The following ATG101 variants were observed in gnomAD, a reference collection of about 807,000 sequenced individuals.
ATG101 encodes autophagy-related protein 101.
In ATG101, 6 loss-of-function variants were observed where a neutral mutation model predicts 16.7. That is an observed-to-expected ratio of 0.36 (90% CI 0.20 to 0.71). The LOEUF is 0.71. Ranked by LOEUF, ATG101 falls within the 30% of genes least tolerant of loss-of-function variation. ATG101 has a pLI of 0.57. For synonymous variants in ATG101, 108 were observed against 118.1 expected (o/e 0.91, Z 0.56); for missense variants, 200 against 292.5 (o/e 0.68, Z 2.31).
chr12:52,072,235 A>G (rs936864952), intron 2 of ATG101, among the ~76,000 whole-genome samples: 2 of 152,370 alleles, frequency 1.3e-5, no homozygotes, highest in South Asian at 4.1e-4. Context: ...CTTGCCCAAG[A>G]TCATGAGCAT....
chr12:52,074,078 C>CGT (rs1939695577), intron 3 of ATG101, among the ~76,000 whole-genome samples, 176 bp downstream of exon 3: 1 of 139,670 alleles, frequency 7.2e-6, no homozygotes, highest in Admixed American at 8.5e-5. Context: ...CAGGGGAGGG[C>CGT]GCGCGGGCGC....
At chr12:52,071,015 G>A (rs771963872) in intron 2 of ATG101, 8 of 152,200 alleles carry the variant, frequency 5.3e-5, no homozygotes, top group Non-Finnish European at 8.8e-5. Flanking sequence ...TTTTGTAGAA[G>A]GTACTAGGAA....
intron 3 of ATG101, among the ~76,000 whole-genome samples, chr12:52,074,384 G>T (rs1312507743): frequency 1.3e-5 from 2 of 152,212 alleles, no homozygotes; most frequent in African/African-American, 4.8e-5. Context: ...GGACACGGCC[G>T]GCTGCTGCTG....
At position 52,070,204 on chromosome 12, in the gene ATG101, C is replaced by G. The variant is rs1364233794; in HGVS notation, c.-245C>G. Reference sequence around the variant, plus strand: ...CGCGGGGCGCCGCCCCCGAGACACCCGAGGAGTCCGTTCCTCCCTGGTTAC... The same window carrying G: ...CGCGGGGCGCCGCCCCCGAGACACCGGAGGAGTCCGTTCCTCCCTGGTTAC... On this transcript the variant is annotated 5_prime_UTR_variant, in exon 1 of 4. Transcript: ENST00000336854. 2 of 152,240 alleles carry G rather than the reference C, an allele frequency of 1.3e-5. No individual in the cohort carries two copies. Among genetic ancestry groups the G allele is most frequent in the Non-Finnish European group, 2.9e-5 (2 of 68,072 alleles). 9.4% of individuals were successfully genotyped at this position (152,240 alleles called of 1,614,324 possible). A position where few individuals can be genotyped will look rare whatever the true frequency, so the allele number is the denominator to read the frequency against.
intron 3 of ATG101, 67 bp downstream of exon 3, chr12:52,073,969 C>T (rs182434716): frequency 3.2e-6 from 5 of 1,579,334 alleles, no homozygotes; most frequent in African/African-American, 1.3e-5. Flanking sequence ...CTCGAGTGCT[C>T]CTCCACTCCA....
rs538913423 is a variant in ATG101 at position 52,075,032 on chromosome 12, G to A, written c.252+1130G>A. On this transcript the variant is annotated intron_variant, in intron 3 of 3. Coordinates refer to ENST00000336854, the MANE Select transcript of ATG101 (RefSeq NM_021934.5). The stretch of plus-strand genomic sequence containing the variant: ...CAGGCTGGTCTTGAACTAAAGGCTG[G>A]TCTTGAATTACTGGCATGAGCCTGA... Among the ~76,000 whole-genome samples the A allele has an allele frequency of 1.9e-3, 296 of 151,898 alleles. 1 individual carries two copies. Among genetic ancestry groups the A allele is most frequent in the South Asian group, 0.011 (50 of 4,758 alleles).
chr12:52,068,990 CAAAAAAAAAAAAAAAA>C (rs869030833), upstream of ATG101, among the ~76,000 whole-genome samples: 13 of 33,516 alleles, frequency 3.9e-4, no homozygotes, highest in Non-Finnish European at 2.5e-4. Flanking sequence ...GACGCCGTCT[CAAAAAAAAAAAAAAAA>C]AAAAAAAAAA....
chr12:52,069,527 T>A (rs1451238550), upstream of ATG101: 3 of 152,242 alleles, frequency 2.0e-5, no homozygotes, highest in Non-Finnish European at 2.9e-5. Context: ...ACGCCCCTCA[T>A]CTTGCGGTGA....
At chr12:52,071,567 AG>A (rs1233674625) in intron 2 of ATG101, 6 of 152,230 alleles carry the variant, frequency 3.9e-5, no homozygotes, top group Admixed American at 3.9e-4. Context: ...CGGTAATCCC[AG>A]CACTTTGGGA....
At position 52,076,822 on chromosome 12, in the gene ATG101, C is replaced by A; in HGVS notation, c.289C>A (p.Gln97Lys). The A allele has an allele frequency of 6.2e-7, 1 of 1,614,174 alleles. No individual in the cohort carries two copies. ...LRNSGGDGLGQMSLEFYQKKK... is the reference protein window; with the variant it reads ...LRNSGGDGLGKMSLEFYQKKK... ...CAACTCTGGTGGCGATGGGCTGGGG[C>A]AGATGTCCTTGGAGTTCTACCAGAA... The change falls in exon 4 of 4, where the codon CAG becomes AAG. Residue 97 changes from glutamine to lysine, a missense_variant. Gln to Lys is a moderately conservative substitution (Grantham distance 53, BLOSUM62 1). Coordinates refer to ENST00000336854, the MANE Select transcript of ATG101 (RefSeq NM_021934.5).
Position 52,070,256 on chromosome 12 carries a change from G to A in ATG101, c.-207+14G>A, listed in dbSNP as rs1266627898. On this transcript the variant is annotated intron_variant, in intron 1 of 3. Coordinates refer to ENST00000336854, the MANE Select transcript of ATG101 (RefSeq NM_021934.5). ...TGGACTGTGGAGGTTCGCGCGTAGT[G>A]GCGGCGGGGGATACGGGACCCGGGC... 6.6e-6 allele frequency: 1 copy of A among 152,276 alleles called. No individual in the cohort carries two copies. Among genetic ancestry groups the A allele is most frequent in the Non-Finnish European group, 1.5e-5 (1 of 68,088 alleles). 9.4% of individuals were successfully genotyped at this position (152,276 alleles called of 1,614,324 possible).
In ATG101 at chr12:52,070,222, C is replaced by T. The variant is rs1012870120; in HGVS notation, c.-227C>T. 2.0e-5 allele frequency: 3 copies of T among 152,206 alleles called. No individual in the cohort carries two copies. The highest frequency in any genetic ancestry group is 7.2e-5 in the African/African-American group (3 of 41,438). The allele number at this position is 152,206 out of a possible 1,614,324, so 9.4% of individuals were successfully genotyped here. Reference sequence around the variant, plus strand: ...AGACACCCGAGGAGTCCGTTCCTCCCTGGTTACGTGGACTGTGGAGGTTCG... The same window carrying T: ...AGACACCCGAGGAGTCCGTTCCTCCTTGGTTACGTGGACTGTGGAGGTTCG... On this transcript the variant is annotated 5_prime_UTR_variant, in exon 1 of 4. Coordinates refer to ENST00000336854, the MANE Select transcript of ATG101 (RefSeq NM_021934.5).
chr12:52,076,883 T>A lies in ATG101; in HGVS notation c.350T>A (p.Ile117Asn). ...KSRWPFSDEC[I>N]PWEVWTVKVH... Reference sequence around the variant, plus strand: ...CGCTGGCCATTCTCAGACGAGTGCATCCCATGGGAAGTGTGGACGGTCAAG... The same window carrying A: ...CGCTGGCCATTCTCAGACGAGTGCAACCCATGGGAAGTGTGGACGGTCAAG... Residue 117 changes from isoleucine to asparagine, a missense_variant, in exon 4 of 4, where the codon ATC becomes AAC. Ile to Asn is a moderately radical substitution (Grantham distance 149). Transcript: ENST00000336854. 1 of 1,614,080 alleles carries A rather than the reference T, an allele frequency of 6.2e-7. No homozygotes were observed. The highest frequency in any genetic ancestry group is 8.5e-7 in the Non-Finnish European group (1 of 1,180,002).
At position 52,076,821 on chromosome 12, in the gene ATG101, G is replaced by A. The variant is rs751303196; in HGVS notation, c.288G>A (p.Gly96=). 4.3e-6 allele frequency: 7 copies of A among 1,614,058 alleles called. No homozygotes were observed. Among genetic ancestry groups the A allele is most frequent in the African/African-American group, 2.7e-5 (2 of 74,934 alleles). Residue 96 remains glycine, a synonymous_variant, in exon 4 of 4, where the codon GGG becomes GGA. Coordinates refer to ENST00000336854, the MANE Select transcript of ATG101 (RefSeq NM_021934.5). The stretch of plus-strand genomic sequence containing the variant: ...GCAACTCTGGTGGCGATGGGCTGGG[G>A]CAGATGTCCTTGGAGTTCTACCAGA... ...ALRNSGGDGL[G]QMSLEFYQKK... is the part of the protein sequence containing the mutation.
chr12:52,077,138 C>T lies in ATG101; in HGVS notation c.605C>T (p.Thr202Ile). ...TTCCAGATCACTGATGCCCTGGGCA[C>T]CTCAGTCACCACCACCATGCGCAGG... ...ISFQITDALG[T>I]SVTTTMRRLI... The change falls in exon 4 of 4, where the codon ACC (threonine) becomes ATC (isoleucine). Residue 202 changes from threonine to isoleucine, a missense_variant. Transcript: ENST00000336854. The T allele has an allele frequency of 6.2e-7, 1 of 1,614,196 alleles. No homozygotes were observed. Among genetic ancestry groups the T allele is most frequent in the Non-Finnish European group, 8.5e-7 (1 of 1,180,048 alleles).
chr12:52,074,496 T>G (rs1442070978), intron 3 of ATG101, among the ~76,000 whole-genome samples: 2 of 152,138 alleles, frequency 1.3e-5, no homozygotes, highest in African/African-American at 2.4e-5. Flanking sequence ...CTTTTACATT[T>G]TAAAGTAGCA....
intron 3 of ATG101, among the ~76,000 whole-genome samples, chr12:52,076,453 G>C (rs1939731849): frequency 6.6e-6 from 1 of 152,196 alleles, no homozygotes; most frequent in African/African-American, 2.4e-5. Flanking sequence ...GGGGTTGTTG[G>C]GAGGAGCCAG....
rs1267779051 is a variant in ATG101 at position 52,077,111 on chromosome 12, C to G, written c.578C>G (p.Ser193Cys). The stretch of plus-strand genomic sequence containing the variant: ...GTGCAGCCCTACCTGTACAAGATCT[C>G]CTTCCAGATCACTGATGCCCTGGGC... ...RDVQPYLYKI[S>C]FQITDALGTS... The change falls in exon 4 of 4, where the codon TCC becomes TGC. Residue 193 changes from serine to cysteine, a missense_variant. Transcript: ENST00000336854. 1 of 1,614,084 alleles carries G rather than the reference C, an allele frequency of 6.2e-7. No homozygotes were observed. Among genetic ancestry groups the G allele is most frequent in the Non-Finnish European group, 8.5e-7 (1 of 1,180,038 alleles).
At chr12:52,066,678 A>G (rs769437232), upstream of ATG101, among the ~76,000 whole-genome samples, 21 of 152,176 alleles carry the variant, frequency 1.4e-4, no homozygotes, top group Non-Finnish European at 3.1e-4. Context: ...GGTAGTTGGA[A>G]AAATCAGCAC....
Sources: gnomAD v4.1 joint callset for allele counts (sites outside exome capture counted in the v4.1 genomes callset) on GRCh38, gnomAD v4.1.1 for gene constraint, MANE v1.5 for transcripts, NCBI Gene and HGNC (gene_info 2026-07-23, HGNC 2026-07-21) for gene names.